Variants in KAT2B observed in about 807,000 individuals in gnomAD.
KAT2B encodes histone acetyltransferase KAT2B.
A neutral mutation model predicts 105.9 loss-of-function variants in KAT2B; 36 were observed. The ratio of observed to expected loss-of-function variants is 0.34; its 90% CI spans 0.26 to 0.45. The LOEUF (loss-of-function observed/expected upper bound fraction) is 0.45. Among genes scored for constraint, KAT2B ranks in the 20% least tolerant of loss-of-function variants. The probability of loss-of-function intolerance (pLI) is 1.00; values close to 1 mark genes in which losing one functional copy is unlikely to be tolerated. For synonymous variants in KAT2B, 397 were observed against 377.9 expected (o/e 1.05, Z -0.59); for missense variants, 820 against 1,021.6 (o/e 0.80, Z 2.69).
At chr3:20,148,657 G>C in intron 17 of KAT2B, 170 bp downstream of exon 17, 2 of 559,068 alleles carry the variant, frequency 3.6e-6, no homozygotes, top group Non-Finnish European at 3.1e-6. Context: ...GAAGTGGGTG[G>C]CTGTGTTCAT....
chr3:20,058,083 CTCTT>C (rs750725233), intron 1 of KAT2B, among the ~76,000 whole-genome samples: 79 of 152,268 alleles, frequency 5.2e-4, no homozygotes, highest in South Asian at 1.5e-3. Flanking sequence ...GCTTTCCACT[CTCTT>C]TCTGTAGCCT....
rs778748599 is a variant in KAT2B, at chr3:20,111,785, A to G, written c.1041A>G (p.Pro347=). The G allele has an allele frequency of 6.2e-7, 1 of 1,611,020 alleles. No homozygotes were observed. The highest frequency in any genetic ancestry group is 8.5e-7 in the Non-Finnish European group (1 of 1,178,622). The change falls in exon 6 of 18, where the codon CCA becomes CCG. Residue 347 remains proline, a splice_region_variant and synonymous_variant. Coordinates refer to ENST00000263754, the MANE Select transcript of KAT2B (RefSeq NM_003884.5). ...EKRTLILTHF[P]KFLSMLEEEV... is the part of the protein sequence containing the mutation. The stretch of plus-strand genomic sequence containing the variant: ...GAACTCTAATCCTCACTCATTTCCC[A>G]AAGTAAGGGAGAGTTTTTGCTGGTC...
intron 17 of KAT2B, among the ~76,000 whole-genome samples, chr3:20,150,988 T>A (rs1293603716): frequency 5.9e-5 from 9 of 152,208 alleles, no homozygotes; most frequent in African/African-American, 1.9e-4. Flanking sequence ...AATGTAAACA[T>A]CTACTTTTAC....
chr3:20,091,747 C>A (rs147575538), intron 2 of KAT2B, among the ~76,000 whole-genome samples: 2 of 152,238 alleles, frequency 1.3e-5, no homozygotes, highest in East Asian at 1.9e-4. Flanking sequence ...TCTTCTCTGA[C>A]CCATTGGTTG....
intron 1 of KAT2B, among the ~76,000 whole-genome samples, chr3:20,066,711 C>A (rs780498888): frequency 2.0e-5 from 3 of 151,120 alleles, no homozygotes; most frequent in Non-Finnish European, 4.4e-5. Context: ...GGGACATGAA[C>A]TTTAGGGCAC....
chr3:20,070,305 CTTTCTTTT>C (rs1397826783), intron 1 of KAT2B, among the ~76,000 whole-genome samples: 1 of 128,504 alleles, frequency 7.8e-6, no homozygotes, highest in Non-Finnish European at 1.7e-5. Context: ...TTCTTTCTTT[CTTTCTTTT>C]TTTTTTTTTT....
chr3:20,047,796 A>G (rs770864312), intron 1 of KAT2B, among the ~76,000 whole-genome samples: 2 of 151,792 alleles, frequency 1.3e-5, no homozygotes, highest in African/African-American at 4.8e-5. Flanking sequence ...TTGTATTTTT[A>G]GTAGAGACGG....
intron 8 of KAT2B, among the ~76,000 whole-genome samples, chr3:20,122,388 C>G (rs1204941157): frequency 6.6e-6 from 1 of 152,126 alleles, no homozygotes; most frequent in Non-Finnish European, 1.5e-5. Context: ...TAGAATCACC[C>G]CTTTGCATTT....
intron 11 of KAT2B, among the ~76,000 whole-genome samples, chr3:20,132,298 A>T (rs1443716587): frequency 6.6e-6 from 1 of 152,202 alleles, no homozygotes; most frequent in Non-Finnish European, 1.5e-5. Context: ...ACTTGAACCC[A>T]GGAAGTGGAG....
chr3:20,102,754 T>C (rs1698932219), intron 5 of KAT2B, among the ~76,000 whole-genome samples: 1 of 152,270 alleles, frequency 6.6e-6, no homozygotes, highest in Non-Finnish European at 1.5e-5. Flanking sequence ...TTTTCAACTT[T>C]TTTATAACTT....
intron 1 of KAT2B, among the ~76,000 whole-genome samples, chr3:20,067,795 CTCCCAAGT>C (rs1698249249): frequency 6.7e-6 from 1 of 149,554 alleles, no homozygotes; most frequent in Admixed American, 6.7e-5. Flanking sequence ...CTGCCTCAGC[CTCCCAAGT>C]AGCTGGGATT....
chr3:20,048,818 A>T (rs1156329836), intron 1 of KAT2B, among the ~76,000 whole-genome samples: 2 of 149,894 alleles, frequency 1.3e-5, no homozygotes, highest in African/African-American at 5.1e-5. Context: ...ATGGGGAGAG[A>T]AGGAGGGGAA....
intron 5 of KAT2B, among the ~76,000 whole-genome samples, chr3:20,110,657 A>G (rs1242960216): frequency 6.9e-6 from 1 of 144,096 alleles, no homozygotes; most frequent in Non-Finnish European, 1.5e-5. Flanking sequence ...TTGGTGACAC[A>G]GTGAGACCCT....
intron 5 of KAT2B, among the ~76,000 whole-genome samples, chr3:20,111,172 T>C (rs369486690): frequency 1.3e-5 from 2 of 152,250 alleles, no homozygotes; most frequent in South Asian, 2.1e-4. Flanking sequence ...ACTCCAGTTA[T>C]ACTATGCATT....
intron 11 of KAT2B, among the ~76,000 whole-genome samples, chr3:20,130,131 C>G (rs1184109854): frequency 6.6e-6 from 1 of 152,216 alleles, no homozygotes; most frequent in Non-Finnish European, 1.5e-5. Flanking sequence ...GCGTGAGCCA[C>G]CACGCCCGGC....
chr3:20,081,132 G>A (rs1019718987), intron 2 of KAT2B, among the ~76,000 whole-genome samples: 4 of 152,054 alleles, frequency 2.6e-5, no homozygotes, highest in African/African-American at 4.8e-5. Context: ...TTCTAGCCTC[G>A]ATGCCAAATT....
intron 1 of KAT2B, among the ~76,000 whole-genome samples, chr3:20,066,164 G>A (rs1446911239): frequency 6.6e-6 from 1 of 152,090 alleles, no homozygotes; most frequent in Non-Finnish European, 1.5e-5. Context: ...TTGGCTTATA[G>A]TGAGACCCTG....
At chr3:20,054,098 T>G (rs142827794) in intron 1 of KAT2B, among the ~76,000 whole-genome samples, 229 of 151,936 alleles carry the variant, frequency 1.5e-3, no homozygotes, top group African/African-American at 5.3e-3. Flanking sequence ...GTGTCCGGCT[T>G]TAGACTTATT....
chr3:20,142,577 A>G (rs1185026678), intron 13 of KAT2B, among the ~76,000 whole-genome samples: 6 of 152,090 alleles, frequency 3.9e-5, no homozygotes, highest in Non-Finnish European at 5.9e-5. Context: ...GTAGAGAGAG[A>G]GAGAGAAAAC....
Sources: allele counts gnomAD v4.1 joint callset (sites outside exome capture counted in the v4.1 genomes callset), GRCh38; gene constraint gnomAD v4.1.1; transcripts MANE v1.5; gene names NCBI Gene and HGNC (gene_info 2026-07-23, HGNC 2026-07-21).